FBXL7: variants seen among roughly 807,000 people sequenced by gnomAD.
FBXL7 encodes F-box/LRR-repeat protein 7.
Under a neutral mutation model 38.3 loss-of-function variants are expected in FBXL7, and 12 were observed. That is an observed-to-expected ratio of 0.31 (90% CI 0.20 to 0.51). The LOEUF (loss-of-function observed/expected upper bound fraction) is 0.51. FBXL7 is among the 20% of genes least tolerant of loss of function. The probability of loss-of-function intolerance (pLI) is 0.98; values close to 1 mark genes in which losing one functional copy is unlikely to be tolerated. For missense variants in FBXL7, 567 were observed against 676.4 expected (o/e 0.84, Z 1.79); for synonymous variants, 297 against 300.9 (o/e 0.99, Z 0.13).
At chr5:15,878,756 C>G (rs1043414135) in intron 2 of FBXL7, among the ~76,000 whole-genome samples, 2 of 152,138 alleles carry the variant, frequency 1.3e-5, no homozygotes, top group African/African-American at 4.8e-5. Flanking sequence ...AGTTTTCTGT[C>G]CATACACTAC....
At chr5:15,559,758 T>C (rs1479420087) in intron 1 of FBXL7, among the ~76,000 whole-genome samples, 1 of 152,224 alleles carries the variant, frequency 6.6e-6, no homozygotes, top group African/African-American at 2.4e-5. Context: ...TGTAATTGCT[T>C]TGGCAATAAA....
At chr5:15,926,931 C>T (rs1741890505) in intron 2 of FBXL7, among the ~76,000 whole-genome samples, 1 of 151,864 alleles carries the variant, frequency 6.6e-6, no homozygotes, top group Non-Finnish European at 1.5e-5. Context: ...TTCTGAAACT[C>T]ACTCCCCTCA....
chr5:15,782,349 G>A (rs923311628), intron 2 of FBXL7, among the ~76,000 whole-genome samples: 1 of 152,170 alleles, frequency 6.6e-6, no homozygotes, highest in South Asian at 2.1e-4. Flanking sequence ...ACCCAGTAAT[G>A]AGATTGCTGG....
At chr5:15,682,587 ACTTG>A (rs1742875608) in intron 2 of FBXL7, among the ~76,000 whole-genome samples, 3 of 152,044 alleles carry the variant, frequency 2.0e-5, no homozygotes, top group Non-Finnish European at 4.4e-5. Context: ...ATTCTAAATT[ACTTG>A]CTTAATACTT....
intron 2 of FBXL7, among the ~76,000 whole-genome samples, chr5:15,879,677 G>A (rs974230405): frequency 1.3e-5 from 2 of 152,124 alleles, no homozygotes; most frequent in African/African-American, 2.4e-5. Context: ...CTGTCATAAG[G>A]TAGTATCAAA....
intron 1 of FBXL7, among the ~76,000 whole-genome samples, chr5:15,578,931 T>C (rs1739050287): frequency 6.6e-6 from 1 of 152,242 alleles, no homozygotes; most frequent in Non-Finnish European, 1.5e-5. Flanking sequence ...TGGACTGTTT[T>C]AGTCTTTCAT....
At chr5:15,893,122 A>C (rs1410609624) in intron 2 of FBXL7, among the ~76,000 whole-genome samples, 1 of 151,856 alleles carries the variant, frequency 6.6e-6, no homozygotes, top group African/African-American at 2.4e-5. Context: ...TCTCAAAAAA[A>C]AAAAAAAAAG....
At chr5:15,571,153 A>G (rs1279249938) in intron 1 of FBXL7, among the ~76,000 whole-genome samples, 3 of 152,092 alleles carry the variant, frequency 2.0e-5, no homozygotes, top group African/African-American at 7.2e-5. Flanking sequence ...GCAGCTAAAC[A>G]TCCTTGTTCT....
At chr5:15,700,024 C>T (rs1295937283) in intron 2 of FBXL7, among the ~76,000 whole-genome samples, 1 of 152,152 alleles carries the variant, frequency 6.6e-6, no homozygotes, top group Non-Finnish European at 1.5e-5. Flanking sequence ...ACTCATAGCC[C>T]ATGCTTTTAA....
At chr5:15,894,865 T>G (rs370663608) in intron 2 of FBXL7, among the ~76,000 whole-genome samples, 2 of 152,208 alleles carry the variant, frequency 1.3e-5, no homozygotes, top group South Asian at 2.1e-4. Flanking sequence ...TTTTAAGGTT[T>G]TTTTTTCTTA....
chr5:15,715,821 A>T (rs1439051834), intron 2 of FBXL7, among the ~76,000 whole-genome samples: 2 of 152,192 alleles, frequency 1.3e-5, no homozygotes, highest in Admixed American at 6.5e-5. Context: ...TGCCCACCGA[A>T]CTAGAAACAG....
chr5:15,585,113 A>G (rs1228533143), intron 1 of FBXL7, among the ~76,000 whole-genome samples: 3 of 152,244 alleles, frequency 2.0e-5, no homozygotes, highest in African/African-American at 7.2e-5. Flanking sequence ...CTTAAAATGC[A>G]GATCTGTTTA....
At chr5:15,670,732 T>C (rs1279941584) in intron 2 of FBXL7, among the ~76,000 whole-genome samples, 1 of 151,778 alleles carries the variant, frequency 6.6e-6, no homozygotes, top group Non-Finnish European at 1.5e-5. Flanking sequence ...ACCTGAGAGG[T>C]GGAGGTTGCA....
At chr5:15,752,152 A>G (rs1736170847) in intron 2 of FBXL7, among the ~76,000 whole-genome samples, 1 of 120,878 alleles carries the variant, frequency 8.3e-6, no homozygotes, top group Non-Finnish European at 1.8e-5. Flanking sequence ...TAGAATGTTT[A>G]ATAAAATTGC....
chr5:15,737,401 A>G (rs1219400461), intron 2 of FBXL7, among the ~76,000 whole-genome samples: 1 of 152,222 alleles, frequency 6.6e-6, no homozygotes. Flanking sequence ...TACAAATGCC[A>G]TAGATAGACT....
Position 15,507,228 on chromosome 5 carries a change from A to C in FBXL7, c.37+6515A>C, listed in dbSNP as rs567658230. Among the ~76,000 whole-genome samples the C allele has an allele frequency of 7.0e-4, 107 of 152,196 alleles. 1 individual carries two copies. The highest frequency in any genetic ancestry group is 2.5e-3 in the African/African-American group (103 of 41,520). On this transcript the variant is annotated intron_variant, in intron 1 of 3. Transcript: ENST00000504595. ...GTTCATCTTTTGCCTCTAGTGACTAATTTCATTCTGATGCAAGTCAGAGTT... is the reference window on the plus strand; with the variant it reads ...GTTCATCTTTTGCCTCTAGTGACTACTTTCATTCTGATGCAAGTCAGAGTT...
At chr5:15,874,704 A>G (rs1324180522) in intron 2 of FBXL7, among the ~76,000 whole-genome samples, 2 of 152,210 alleles carry the variant, frequency 1.3e-5, no homozygotes, top group Admixed American at 6.5e-5. Flanking sequence ...TACAACTTAC[A>G]AGGGATGTGA....
chr5:15,812,135 C>T (rs922158647), intron 2 of FBXL7, among the ~76,000 whole-genome samples: 2 of 152,174 alleles, frequency 1.3e-5, no homozygotes, highest in Non-Finnish European at 2.9e-5. Flanking sequence ...GGCACATATA[C>T]ACCATGGAAT....
At chr5:15,927,617 C>G (rs988511366) in intron 2 of FBXL7, among the ~76,000 whole-genome samples, 2 of 151,742 alleles carry the variant, frequency 1.3e-5, no homozygotes, top group Non-Finnish European at 2.9e-5. Context: ...ACTAAAAATA[C>G]AAAAAAACTT....
Sources: gnomAD v4.1 joint callset for allele counts (sites outside exome capture counted in the v4.1 genomes callset) on GRCh38, gnomAD v4.1.1 for gene constraint, MANE v1.5 for transcripts, NCBI Gene and HGNC (gene_info 2026-07-23, HGNC 2026-07-21) for gene names.